The following CDH18 variants were observed in gnomAD, a reference collection of about 807,000 sequenced individuals.
CDH18 encodes cadherin-18.
CDH18 carries 31 observed loss-of-function variants against 67.9 expected under a neutral mutation model. The observed-to-expected ratio is 0.46, with a 90% CI of 0.34 to 0.62. The LOEUF (loss-of-function observed/expected upper bound fraction) is 0.62, where lower values mean the gene tolerates loss of function less well. Ranked by LOEUF, CDH18 falls within the 20% of genes least tolerant of loss-of-function variation. The pLI is 0.01. For synonymous variants in CDH18, 362 were observed against 347.2 expected, an observed-to-expected ratio of 1.04 and a Z score of -0.48; for missense variants, 890 against 975.5, an observed-to-expected ratio of 0.91 and a Z score of 1.17.
At chr5:19,507,090 C>A (rs977453285) in intron 10 of CDH18, among the ~76,000 whole-genome samples, 17 of 152,202 alleles carry the variant, frequency 1.1e-4, no homozygotes, top group African/African-American at 3.9e-4. Flanking sequence ...AAAAAGTGGG[C>A]AAAGGATATG....
chr5:20,074,585 T>C (rs1372992495), intron 2 of CDH18, among the ~76,000 whole-genome samples: 1 of 152,276 alleles, frequency 6.6e-6, no homozygotes, highest in Non-Finnish European at 1.5e-5. Flanking sequence ...TAAGTACCAA[T>C]GAACATGCAA....
chr5:20,047,988 T>G (rs1451738668), intron 2 of CDH18, among the ~76,000 whole-genome samples: 1 of 151,798 alleles, frequency 6.6e-6, no homozygotes, highest in Admixed American at 6.6e-5. Flanking sequence ...TGAAACATTT[T>G]TCAGCATCAT....
At chr5:20,441,905 T>C (rs1749634967) in intron 1 of CDH18, among the ~76,000 whole-genome samples, 1 of 151,604 alleles carries the variant, frequency 6.6e-6, no homozygotes, top group African/African-American at 2.4e-5. Context: ...AAAATGATTA[T>C]TAAAAATAAT....
At chr5:20,545,543 G>T (rs1757292902) in intron 1 of CDH18, among the ~76,000 whole-genome samples, 2 of 152,218 alleles carry the variant, frequency 1.3e-5, no homozygotes, top group Admixed American at 1.3e-4. Flanking sequence ...AATGGAAGCT[G>T]CCAAGGTTGG....
At chr5:20,392,543 GAC>G (rs1744950281) in intron 1 of CDH18, among the ~76,000 whole-genome samples, 1 of 151,788 alleles carries the variant, frequency 6.6e-6, no homozygotes, top group South Asian at 2.1e-4. Context: ...TAAATGAAGA[GAC>G]AGTGAATATT....
At chr5:19,661,582 T>G (rs1757187148) in intron 5 of CDH18, among the ~76,000 whole-genome samples, 1 of 152,064 alleles carries the variant, frequency 6.6e-6, no homozygotes, top group South Asian at 2.1e-4. Flanking sequence ...ATTCTAATAC[T>G]ACTAGTTATT....
At chr5:20,097,073 A>T (rs1325789846) in intron 2 of CDH18, among the ~76,000 whole-genome samples, 1 of 152,192 alleles carries the variant, frequency 6.6e-6, no homozygotes, top group African/African-American at 2.4e-5. Context: ...TCTTGAAAAC[A>T]TGTTGCTTAA....
Position 19,554,296 on chromosome 5 carries a change from T to G in CDH18, c.1254-10291A>C, listed in dbSNP as rs747867192. ...AGTAAGTGAGATATCAGAAATTGCA[T>G]TAATCTTGAGTTCTAGAAATGCTAC... On this transcript the variant is annotated intron_variant, in intron 8 of 12. Coordinates refer to ENST00000382275, the MANE Select transcript of CDH18 (RefSeq NM_004934.5). Among the ~76,000 whole-genome samples, 45 of 152,302 alleles carry G rather than the reference T, an allele frequency of 3.0e-4. 1 individual carries two copies. Among genetic ancestry groups the G allele is most frequent in the Admixed American group, 2.4e-3 (37 of 15,298 alleles).
intron 1 of CDH18, among the ~76,000 whole-genome samples, chr5:20,262,085 CAATA>C (rs1744700680): frequency 6.6e-6 from 1 of 152,154 alleles, no homozygotes; most frequent in African/African-American, 2.4e-5. Flanking sequence ...AATTAGGATG[CAATA>C]AATAAATAAT....
intron 2 of CDH18, among the ~76,000 whole-genome samples, chr5:19,974,988 ACAATATCTAC>A (rs1451471143): frequency 6.6e-6 from 1 of 152,176 alleles, no homozygotes; most frequent in South Asian, 2.1e-4. Flanking sequence ...AATGAAGTTA[ACAATATCTAC>A]CTACACTCCT....
chr5:19,919,552 T>C (rs957859858), intron 2 of CDH18, among the ~76,000 whole-genome samples: 28 of 152,168 alleles, frequency 1.8e-4, no homozygotes, highest in African/African-American at 6.5e-4. Flanking sequence ...TTGCAAAGGA[T>C]TGGAGAATTG....
At chr5:19,585,645 A>G (rs552678185) in intron 7 of CDH18, among the ~76,000 whole-genome samples, 1 of 152,130 alleles carries the variant, frequency 6.6e-6, no homozygotes, top group South Asian at 2.1e-4. Flanking sequence ...GTCTGTATTG[A>G]GCTTTTTGTC....
intron 2 of CDH18, among the ~76,000 whole-genome samples, chr5:19,846,041 T>C (rs1314488507): frequency 6.6e-6 from 1 of 152,038 alleles, no homozygotes; most frequent in Non-Finnish European, 1.5e-5. Context: ...TATTGCCATT[T>C]TGTTATTGTT....
intron 2 of CDH18, among the ~76,000 whole-genome samples, chr5:19,844,642 T>G (rs1311737832): frequency 6.6e-6 from 1 of 152,220 alleles, no homozygotes; most frequent in Non-Finnish European, 1.5e-5. Context: ...CAGAGGCACA[T>G]AAATGATATG....
chr5:19,866,956 G>C (rs1785612924), intron 2 of CDH18, among the ~76,000 whole-genome samples: 1 of 152,070 alleles, frequency 6.6e-6, no homozygotes, highest in African/African-American at 2.4e-5. Context: ...CAGGTGTGGT[G>C]GTGGGCACCT....
chr5:20,532,881 G>A (rs1756499334), intron 1 of CDH18, among the ~76,000 whole-genome samples: 1 of 149,854 alleles, frequency 6.7e-6, no homozygotes, highest in African/African-American at 2.5e-5. Context: ...TGTTAATATT[G>A]TTTCATAAAC....
intron 1 of CDH18, among the ~76,000 whole-genome samples, chr5:20,350,935 A>G (rs549505364): frequency 6.6e-6 from 1 of 152,172 alleles, no homozygotes; most frequent in African/African-American, 2.4e-5. Flanking sequence ...GGCTAATTCA[A>G]TATCTCAAAA....
At chr5:20,349,385 C>A (rs887084875) in intron 1 of CDH18, among the ~76,000 whole-genome samples, 1 of 152,116 alleles carries the variant, frequency 6.6e-6, no homozygotes, top group Non-Finnish European at 1.5e-5. Context: ...TCATTGAATA[C>A]TCGGGAACCT....
chr5:19,636,688 A>T (rs2150203854), intron 5 of CDH18, among the ~76,000 whole-genome samples: 1 of 152,090 alleles, frequency 6.6e-6, no homozygotes, highest in African/African-American at 2.4e-5. Flanking sequence ...TGGTCACTAA[A>T]AATAAATAAC....
Sources: gnomAD v4.1 joint callset for allele counts (sites outside exome capture counted in the v4.1 genomes callset) on GRCh38, gnomAD v4.1.1 for gene constraint, MANE v1.5 for transcripts, NCBI Gene and HGNC (gene_info 2026-07-23, HGNC 2026-07-21) for gene names.